The following DBF4 variants were observed in gnomAD, a reference collection of about 807,000 sequenced individuals.
DBF4 encodes the protein DBF4-CDC7 kinase regulatory subunit.
DBF4 carries 25 observed loss-of-function variants against 76.6 expected under a neutral mutation model. The observed-to-expected ratio is 0.33, with a 90% CI of 0.24 to 0.46. DBF4 has a LOEUF of 0.46. Ranked by LOEUF, DBF4 falls within the 20% of genes least tolerant of loss-of-function variation. DBF4 has a pLI of 1.00. For missense variants in DBF4, 638 were observed against 760.8 expected (o/e 0.84, Z 1.90); for synonymous variants, 213 against 258.0 (o/e 0.83, Z 1.67).
intron 3 of DBF4, among the ~76,000 whole-genome samples, chr7:87,886,613 T>C (rs1378249384): frequency 6.6e-6 from 1 of 151,682 alleles, no homozygotes; most frequent in Non-Finnish European, 1.5e-5. Flanking sequence ...CTGAAATCTC[T>C]GATTTAATAG....
intron 3 of DBF4, 118 bp from the exon 4 acceptor site, chr7:87,886,726 C>A: frequency 1.5e-6 from 1 of 658,954 alleles, no homozygotes; most frequent in Non-Finnish European, 2.7e-6. Context: ...AGAGGTCACC[C>A]AAAAAAGAGA....
intron 2 of DBF4, among the ~76,000 whole-genome samples, chr7:87,878,798 G>GAT (rs1839134813): frequency 6.6e-6 from 1 of 152,186 alleles, no homozygotes; most frequent in Non-Finnish European, 1.5e-5. Flanking sequence ...GATTAAGGTT[G>GAT]ATATTGGCTG....
chr7:87,900,425 G>A lies in DBF4; in HGVS notation c.809+76G>A. 5 of 1,451,712 alleles carry A rather than the reference G, an allele frequency of 3.4e-6. No homozygotes were observed. The South Asian group carries it at 3.9e-5, about 11-fold the overall frequency. 89.9% of individuals were successfully genotyped at this position (1,451,712 alleles called of 1,614,324 possible). The stretch of plus-strand genomic sequence containing the variant: ...TTTTTCTTTGTAAAGATTTGAAATA[G>A]TTTCATTTATGCCATAATGGTTATT... On this transcript the variant is annotated intron_variant, in intron 9 of 11. Coordinates refer to ENST00000265728, the MANE Select transcript of DBF4 (RefSeq NM_006716.4).
intron 2 of DBF4, chr7:87,878,684 A>G (rs1183562078): frequency 6.5e-6 from 1 of 152,816 alleles, no homozygotes; most frequent in Non-Finnish European, 1.5e-5. Context: ...TTAAAGGAAA[A>G]GAAATTTGCA....
rs977907439 is a variant in DBF4 at position 87,876,681 on chromosome 7, G to T, written c.-52G>T. On this transcript the variant is annotated 5_prime_UTR_variant, in exon 1 of 12. Transcript: ENST00000265728. ...CGGGGGAAGCCGTGCTTTCGCGGCT[G>T]CCCGGTGCGACACTTTCTCCGGACC... 1.9e-6 allele frequency: 3 copies of T among 1,605,682 alleles called. No homozygotes were observed. The highest frequency in any genetic ancestry group is 1.3e-5 in the African/African-American group (1 of 74,758).
intron 1 of DBF4, among the ~76,000 whole-genome samples, chr7:87,877,444 T>C (rs1274962377): frequency 1.3e-5 from 2 of 152,254 alleles, no homozygotes; most frequent in Non-Finnish European, 2.9e-5. Flanking sequence ...GAAAAATTAA[T>C]TTTTAAAGCA....
intron 6 of DBF4, among the ~76,000 whole-genome samples, chr7:87,892,854 T>C (rs1839528553): frequency 1.3e-5 from 2 of 152,246 alleles, no homozygotes; most frequent in Admixed American, 1.3e-4. Flanking sequence ...TATCTTTCTG[T>C]TTACTGATTT....
intron 2 of DBF4, among the ~76,000 whole-genome samples, chr7:87,881,508 C>T (rs1189236502): frequency 6.6e-6 from 1 of 152,182 alleles, no homozygotes; most frequent in East Asian, 1.9e-4. Context: ...GTTAATAATA[C>T]AACATAGAAT....
chr7:87,887,870 T>C, intron 5 of DBF4, 113 bp from the exon 6 acceptor site: 1 of 1,065,900 alleles, frequency 9.4e-7, no homozygotes. Flanking sequence ...GACCATAGCA[T>C]AAGAGATACC....
chr7:87,894,851 G>C (rs150731177), intron 6 of DBF4, among the ~76,000 whole-genome samples: 2 of 152,002 alleles, frequency 1.3e-5, no homozygotes, highest in East Asian at 3.9e-4. Flanking sequence ...CTTTATCTTT[G>C]GTTTCAGAAG....
intron 2 of DBF4, among the ~76,000 whole-genome samples, chr7:87,879,121 G>T (rs904226327): frequency 1.4e-4 from 22 of 152,038 alleles, no homozygotes; most frequent in Non-Finnish European, 2.9e-4. Flanking sequence ...GGTAATTTTT[G>T]TATTTTTAGT....
At chr7:87,887,096 A>G (rs962615032) in intron 4 of DBF4, among the ~76,000 whole-genome samples, 2 of 152,188 alleles carry the variant, frequency 1.3e-5, no homozygotes, top group African/African-American at 2.4e-5. Context: ...TATTACTGGA[A>G]ACTTAAAACT....
At chr7:87,893,394 C>T (rs370364940) in intron 6 of DBF4, among the ~76,000 whole-genome samples, 8 of 151,438 alleles carry the variant, frequency 5.3e-5, no homozygotes, top group Non-Finnish European at 1.2e-4. Context: ...TACAGGCGCC[C>T]GCCACCGCGC....
chr7:87,877,964 A>G (rs985860344), intron 1 of DBF4, 89 bp from the exon 2 acceptor site: 4 of 1,081,506 alleles, frequency 3.7e-6, no homozygotes, highest in South Asian at 3.5e-5. Context: ...GGTTGTAAGG[A>G]TTTTTATTCT....
At position 87,887,523 on chromosome 7, in the gene DBF4, A is replaced by G. The variant is rs537324693; in HGVS notation, c.520+125A>G. 8 of 1,091,646 alleles carry G rather than the reference A, an allele frequency of 7.3e-6. No homozygotes were observed. In the Admixed American group the frequency reaches 9.6e-5, roughly 13 times the overall value. 67.6% of individuals were successfully genotyped at this position (1,091,646 alleles called of 1,614,324 possible). ...TGTCTTAATCTGTTTCCTATTGCTT[A>G]TAACAGAATACCTGAAACTGGGTAA... On this transcript the variant is annotated intron_variant, in intron 5 of 11. Coordinates refer to ENST00000265728, the MANE Select transcript of DBF4 (RefSeq NM_006716.4).
At chr7:87,886,977 C>G (rs1839370894) in intron 4 of DBF4, 83 bp downstream of exon 4, 1 of 1,000,390 alleles carries the variant, frequency 1.0e-6, no homozygotes, top group Non-Finnish European at 1.5e-6. Context: ...TTGAAATTTT[C>G]CTTTCCACAT....
chr7:87,882,758 A>G (rs953853297), intron 2 of DBF4, among the ~76,000 whole-genome samples: 2 of 152,214 alleles, frequency 1.3e-5, no homozygotes, highest in South Asian at 4.1e-4. Flanking sequence ...TCAATCAGTA[A>G]TCACTTAACA....
At chr7:87,905,507 G>A (rs944120198) in intron 11 of DBF4, among the ~76,000 whole-genome samples, 1 of 152,062 alleles carries the variant, frequency 6.6e-6, no homozygotes, top group African/African-American at 2.4e-5. Context: ...TTTACTAAAG[G>A]TACTGACAGG....
chr7:87,876,916 G>A, intron 1 of DBF4, 138 bp downstream of exon 1: 1 of 913,992 alleles, frequency 1.1e-6, no homozygotes, highest in Non-Finnish European at 1.7e-6. Context: ...GAAGGAAGGA[G>A]CCCCCGTTCA....
Sources: allele counts gnomAD v4.1 joint callset (sites outside exome capture counted in the v4.1 genomes callset), GRCh38; gene constraint gnomAD v4.1.1; transcripts MANE v1.5; gene names NCBI Gene and HGNC (gene_info 2026-07-23, HGNC 2026-07-21).